CEMIP: variants seen among roughly 807,000 people sequenced by gnomAD.
CEMIP encodes the protein cell migration inducing hyaluronidase 1.
In CEMIP, 105 loss-of-function variants were observed where a neutral mutation model predicts 156.9. The observed-to-expected ratio is 0.67, with a 90% CI of 0.57 to 0.79. The LOEUF (loss-of-function observed/expected upper bound fraction) is 0.79. Ranked by LOEUF, CEMIP falls within the 30% of genes least tolerant of loss-of-function variation. CEMIP has a pLI of 0.00. For synonymous variants in CEMIP, 676 were observed against 668.4 expected (o/e 1.01, Z -0.17); for missense variants, 1,457 against 1,769.4 (o/e 0.82, Z 3.17).
chr15:80,917,622 G>T (rs1482148025), intron 14 of CEMIP, among the ~76,000 whole-genome samples: 2 of 152,202 alleles, frequency 1.3e-5, no homozygotes, highest in South Asian at 4.1e-4. Flanking sequence ...TCACACCCTT[G>T]CCTATTACTA....
At chr15:80,927,581 G>A (rs142112402) in intron 19 of CEMIP, among the ~76,000 whole-genome samples, 1,528 of 152,282 alleles carry the variant, frequency 0.01, 26 homozygotes, top group African/African-American at 0.035. Flanking sequence ...GAAAAATTGC[G>A]AAGACCCCTC....
chr15:80,817,921 A>G (rs1325742391), intron 1 of CEMIP, among the ~76,000 whole-genome samples: 1 of 152,200 alleles, frequency 6.6e-6, no homozygotes, highest in East Asian at 1.9e-4. Flanking sequence ...GGTGTTGGTC[A>G]GTTAATGTAA....
At chr15:80,931,799 C>T (rs1900921783) in intron 21 of CEMIP, 60 bp from the exon 22 acceptor site, 2 of 1,550,966 alleles carry the variant, frequency 1.3e-6, no homozygotes, top group Non-Finnish European at 1.8e-6. Flanking sequence ...CGTCTTACTT[C>T]CTTAACTCCA....
chr15:80,844,396 G>A (rs1382835908), intron 1 of CEMIP, among the ~76,000 whole-genome samples: 1 of 152,216 alleles, frequency 6.6e-6, no homozygotes, highest in Admixed American at 6.5e-5. Flanking sequence ...CTAATGCCAG[G>A]ATGAGGGGGC....
At chr15:80,829,979 T>TGTGTGC (rs1293320451) in intron 1 of CEMIP, among the ~76,000 whole-genome samples, 3 of 133,652 alleles carry the variant, frequency 2.2e-5, no homozygotes, top group Admixed American at 7.8e-5. Context: ...TGTGTGTGTG[T>TGTGTGC]GTGTGTGTGT....
chr15:80,945,795 G>A (rs1901527332), intron 28 of CEMIP, among the ~76,000 whole-genome samples: 1 of 152,218 alleles, frequency 6.6e-6, no homozygotes, highest in African/African-American at 2.4e-5. Context: ...CTATTCCCAA[G>A]GGAGGTGCTC....
intron 7 of CEMIP, 121 bp downstream of exon 7, chr15:80,884,475 G>A: frequency 2.0e-6 from 2 of 1,003,260 alleles, no homozygotes; most frequent in South Asian, 1.3e-5. Context: ...TGACCTAGTG[G>A]ATGCAGGCAT....
intron 23 of CEMIP, 83 bp from the exon 24 acceptor site, chr15:80,936,591 C>T: frequency 8.0e-7 from 1 of 1,243,772 alleles, no homozygotes; most frequent in Non-Finnish European, 1.2e-6. Flanking sequence ...AAAGTGCGGT[C>T]TATAGTCAGA....
intron 7 of CEMIP, 90 bp from the exon 8 acceptor site, chr15:80,887,603 GC>G: frequency 1.1e-6 from 1 of 945,464 alleles, no homozygotes; most frequent in Non-Finnish European, 1.7e-6. Flanking sequence ...TTCACCTGAC[GC>G]TGCTTCAACT....
chr15:80,932,155 C>T lies in CEMIP; in HGVS notation c.2793+116C>T. On this transcript the variant is annotated intron_variant, in intron 22 of 29. Coordinates refer to ENST00000394685, the MANE Select transcript of CEMIP (RefSeq NM_001293298.2). The surrounding 1 kb of genome is among the most constrained non-coding windows in gnomAD (Gnocchi z 4.5). Reference sequence around the variant, plus strand: ...CACCACCGCAGGGGTTGAGAAGCCTCCTCCAACTAGGCTGGGCCATGTCCC... The same window carrying T: ...CACCACCGCAGGGGTTGAGAAGCCTTCTCCAACTAGGCTGGGCCATGTCCC... 8.5e-7 allele frequency: 1 copy of T among 1,178,708 alleles called. No homozygotes were observed. 73.0% of individuals were successfully genotyped at this position (1,178,708 alleles called of 1,614,324 possible). A position where few individuals can be genotyped will look rare whatever the true frequency, so the allele number is the denominator to read the frequency against.
intron 1 of CEMIP, among the ~76,000 whole-genome samples, chr15:80,786,336 A>G (rs1214639594): frequency 6.6e-6 from 1 of 152,162 alleles, no homozygotes; most frequent in Non-Finnish European, 1.5e-5. Flanking sequence ...TCCTAGGCTC[A>G]GGTGATCCTC....
At chr15:80,789,828 C>G (rs566586098) in intron 1 of CEMIP, among the ~76,000 whole-genome samples, 1 of 152,248 alleles carries the variant, frequency 6.6e-6, no homozygotes, top group Non-Finnish European at 1.5e-5. Context: ...TTAAACATCT[C>G]CATATAAAAT....
chr15:80,785,417 G>T (rs1895906069), intron 1 of CEMIP, among the ~76,000 whole-genome samples: 1 of 152,178 alleles, frequency 6.6e-6, no homozygotes, highest in Non-Finnish European at 1.5e-5. Context: ...ATGCTGGTGT[G>T]CAATTGTGTT....
At chr15:80,838,676 C>A (rs1210582355) in intron 1 of CEMIP, among the ~76,000 whole-genome samples, 1 of 152,102 alleles carries the variant, frequency 6.6e-6, no homozygotes, top group Non-Finnish European at 1.5e-5. Context: ...CTTTGTATTC[C>A]CAAGACCTAT....
intron 28 of CEMIP, chr15:80,946,625 T>G (rs1901565767): frequency 3.1e-6 from 1 of 326,472 alleles, no homozygotes. Flanking sequence ...CATATCGAAG[T>G]CCTACTGTGT....
intron 1 of CEMIP, among the ~76,000 whole-genome samples, chr15:80,869,576 A>G (rs966614273): frequency 1.3e-5 from 2 of 152,184 alleles, no homozygotes; most frequent in East Asian, 1.9e-4. Flanking sequence ...CAATGGTACC[A>G]TCTCTTTATC....
intron 3 of CEMIP, among the ~76,000 whole-genome samples, chr15:80,875,068 C>CTGT (rs1898429864): frequency 9.0e-6 from 1 of 110,844 alleles, no homozygotes; most frequent in Non-Finnish European, 1.7e-5. Flanking sequence ...GGGTCTCGCT[C>CTGT]TGTTGCCTAA....
chr15:80,839,293 T>TGG (rs1464033156), intron 1 of CEMIP, among the ~76,000 whole-genome samples: 1 of 146,612 alleles, frequency 6.8e-6, no homozygotes, highest in African/African-American at 2.6e-5. Flanking sequence ...GCCGTGAGTG[T>TGG]GTGTGTGTGT....
chr15:80,855,640 G>C (rs372911755), intron 1 of CEMIP, among the ~76,000 whole-genome samples: 3 of 151,704 alleles, frequency 2.0e-5, no homozygotes, highest in Admixed American at 6.6e-5. Flanking sequence ...CTCCTGTCTC[G>C]GCCTCCCAAG....
Sources: gnomAD v4.1 joint callset for allele counts (sites outside exome capture counted in the v4.1 genomes callset) on GRCh38, gnomAD v4.1.1 for gene constraint, Gnocchi (gnomAD v3.1) non-coding constraint, MANE v1.5 for transcripts, NCBI Gene and HGNC (gene_info 2026-07-23, HGNC 2026-07-21) for gene names.